The following CCSER2 variants were observed in gnomAD, a reference collection of about 807,000 sequenced individuals.
CCSER2 encodes coiled-coil serine rich protein 2.
CCSER2 carries 46 observed loss-of-function variants against 92.3 expected under a neutral mutation model. That is an observed-to-expected ratio of 0.50 (90% CI 0.39 to 0.64). The LOEUF (loss-of-function observed/expected upper bound fraction) is 0.64, where lower values mean the gene tolerates loss of function less well. Among genes scored for constraint, CCSER2 ranks in the 30% least tolerant of loss-of-function variants. CCSER2 has a pLI of 0.00. For synonymous variants in CCSER2, 433 were observed against 431.4 expected (o/e 1.00, Z -0.04); for missense variants, 1,244 against 1,238.9 (o/e 1.00, Z -0.06).
chr10:84,350,536 C>G (rs974395451), intron 1 of CCSER2, among the ~76,000 whole-genome samples: 2 of 152,128 alleles, frequency 1.3e-5, no homozygotes, highest in African/African-American at 4.8e-5. Flanking sequence ...GAAAGGAAAC[C>G]TGAGAGGTTA....
chr10:84,366,448 C>A (rs1159115473), intron 1 of CCSER2, among the ~76,000 whole-genome samples: 4 of 152,122 alleles, frequency 2.6e-5, no homozygotes, highest in Non-Finnish European at 5.9e-5. Flanking sequence ...AGTTTATGTT[C>A]TCAGCAGGTT....
At chr10:84,384,407 A>G (rs1421284283) in intron 3 of CCSER2, among the ~76,000 whole-genome samples, 1 of 152,218 alleles carries the variant, frequency 6.6e-6, no homozygotes. Context: ...ATCAAACAGC[A>G]ACTCAAAAAG....
intron 5 of CCSER2, among the ~76,000 whole-genome samples, chr10:84,437,700 T>A (rs1211340714): frequency 6.6e-6 from 1 of 151,582 alleles, no homozygotes; most frequent in Non-Finnish European, 1.5e-5. Flanking sequence ...ATGTAAAAAA[T>A]TTTAGAGTAG....
At chr10:84,484,490 CGTGTGTGTGTGTGT>C (rs143391336) in intron 9 of CCSER2, among the ~76,000 whole-genome samples, 2 of 147,294 alleles carry the variant, frequency 1.4e-5, no homozygotes, top group East Asian at 2.0e-4. Flanking sequence ...TGTGCATGCA[CGTGTGTGTGTGTGT>C]GTGTGTGTGT....
rs1379457237 is a variant in CCSER2 at position 84,517,807 on chromosome 10, A to G, written c.*3540A>G. 1.3e-5 allele frequency: 2 copies of G among 152,632 alleles called. No individual in the cohort carries two copies. The highest frequency in any genetic ancestry group is 4.8e-5 in the African/African-American group (2 of 41,440). The allele number at this position is 152,632 out of a possible 1,614,324, so 9.5% of individuals were successfully genotyped here. A position where few individuals can be genotyped will look rare whatever the true frequency, so the allele number is the denominator to read the frequency against. ...ACTTCCAAATGTTCCTGTAGCATAA[A>G]TGGTGTTACAGACACTGAGGTGCAC... On this transcript the variant is annotated 3_prime_UTR_variant, in exon 10 of 10. Coordinates refer to ENST00000372088, the MANE Select transcript of CCSER2 (RefSeq NM_001284240.2).
At chr10:84,395,139 A>T (rs1431213604) in intron 3 of CCSER2, among the ~76,000 whole-genome samples, 1 of 151,094 alleles carries the variant, frequency 6.6e-6, no homozygotes, top group Non-Finnish European at 1.5e-5. Context: ...TGGGACGATC[A>T]CTTGAGTCCA....
chr10:84,388,554 C>G lies in CCSER2; in HGVS notation c.1614+14739C>G, dbSNP rs75619822. 1.0e-3 allele frequency among the ~76,000 whole-genome samples: 152 copies of G among 152,234 alleles called. No individual in the cohort carries two copies. The East Asian group carries it at 0.026, about 26-fold the overall frequency. The stretch of plus-strand genomic sequence containing the variant: ...CAGCAAAAAGTACAAATGACTCCCT[C>G]CCACCCCCTTGAGCCATTTGCACAT... On this transcript the variant is annotated intron_variant, in intron 3 of 9. Coordinates refer to ENST00000372088, the MANE Select transcript of CCSER2 (RefSeq NM_001284240.2).
intron 3 of CCSER2, among the ~76,000 whole-genome samples, chr10:84,412,755 C>T (rs1416628715): frequency 6.6e-6 from 1 of 152,084 alleles, no homozygotes; most frequent in Non-Finnish European, 1.5e-5. Flanking sequence ...ATCAAGTGAA[C>T]CAGAAACATA....
At chr10:84,457,292 ATTATATATAATATG>A (rs1564684816) in intron 6 of CCSER2, among the ~76,000 whole-genome samples, 69 of 75,722 alleles carry the variant, frequency 9.1e-4, no homozygotes, top group Middle Eastern at 6.6e-3. Context: ...TATATTATAT[ATTATATATAATATG>A]TTATATATAA....
chr10:84,492,814 C>A (rs1848245034), intron 9 of CCSER2, among the ~76,000 whole-genome samples: 1 of 152,108 alleles, frequency 6.6e-6, no homozygotes, highest in African/African-American at 2.4e-5. Flanking sequence ...CCCCTTTAGT[C>A]ATGGTATGTA....
intron 5 of CCSER2, among the ~76,000 whole-genome samples, chr10:84,436,196 G>A (rs1823764218): frequency 6.6e-6 from 1 of 151,248 alleles, no homozygotes; most frequent in South Asian, 2.1e-4. Flanking sequence ...GTGTGGTGGC[G>A]TTACTTGTAG....
intron 9 of CCSER2, among the ~76,000 whole-genome samples, chr10:84,503,823 T>C (rs896114889): frequency 6.6e-6 from 1 of 152,212 alleles, no homozygotes; most frequent in African/African-American, 2.4e-5. Context: ...CATCTATATT[T>C]GTCGTAATAG....
intron 3 of CCSER2, among the ~76,000 whole-genome samples, chr10:84,388,829 T>C (rs1236527806): frequency 6.6e-6 from 1 of 152,212 alleles, no homozygotes; most frequent in East Asian, 1.9e-4. Flanking sequence ...AATCTATTGC[T>C]GCTGGTGATC....
intron 3 of CCSER2, among the ~76,000 whole-genome samples, chr10:84,382,805 G>T (rs752087067): frequency 6.6e-6 from 1 of 152,120 alleles, no homozygotes; most frequent in South Asian, 2.1e-4. Context: ...TCACATAGTG[G>T]GGAAGTTTAA....
intron 5 of CCSER2, among the ~76,000 whole-genome samples, chr10:84,427,709 GACCTCCTTTTTTTCT>G (rs1419185185): frequency 6.6e-6 from 1 of 152,044 alleles, no homozygotes; most frequent in African/African-American, 2.4e-5. Context: ...TTTCTGCCCA[GACCTCCTTTTTTTCT>G]ACACCTTTTG....
chr10:84,350,791 T>G (rs1034194397), intron 1 of CCSER2, among the ~76,000 whole-genome samples: 1 of 152,262 alleles, frequency 6.6e-6, no homozygotes, highest in Non-Finnish European at 1.5e-5. Flanking sequence ...CTACATATAG[T>G]ATCTTAAACT....
intron 5 of CCSER2, among the ~76,000 whole-genome samples, chr10:84,434,249 C>T (rs1444331820): frequency 6.6e-6 from 1 of 152,118 alleles, no homozygotes; most frequent in Middle Eastern, 3.2e-3. Context: ...AATGTGGAAA[C>T]TGCATCATCT....
chr10:84,350,562 C>T (rs987000897), intron 1 of CCSER2, among the ~76,000 whole-genome samples: 2 of 152,142 alleles, frequency 1.3e-5, no homozygotes, highest in African/African-American at 2.4e-5. Flanking sequence ...TCTTACCTCC[C>T]ACCAATTTAA....
intron 1 of CCSER2, among the ~76,000 whole-genome samples, chr10:84,336,119 G>A (rs1843823078): frequency 6.6e-6 from 1 of 152,162 alleles, no homozygotes; most frequent in Non-Finnish European, 1.5e-5. Context: ...AGCTAGAGAT[G>A]TAGACTTGGC....
Sources: allele counts gnomAD v4.1 joint callset (sites outside exome capture counted in the v4.1 genomes callset), GRCh38; gene constraint gnomAD v4.1.1; transcripts MANE v1.5; gene names NCBI Gene and HGNC (gene_info 2026-07-23, HGNC 2026-07-21).